The following ASRGL1 variants were observed in gnomAD, a reference collection of about 807,000 sequenced individuals.
ASRGL1 encodes isoaspartyl peptidase/L-asparaginase.
In ASRGL1, 16 loss-of-function variants were observed where a neutral mutation model predicts 22.4. The ratio of observed to expected loss-of-function variants is 0.71; its 90% confidence interval spans 0.48 to 1.08. The LOEUF (loss-of-function observed/expected upper bound fraction) is 1.08. Among genes scored for constraint, ASRGL1 ranks in the 50% least tolerant of loss-of-function variants. ASRGL1 has a pLI of 0.00. For missense variants in ASRGL1, 412 were observed against 410.1 expected (o/e 1.00, Z -0.04); for synonymous variants, 165 against 159.3 (o/e 1.04, Z -0.27).
chr11:62,356,307 A>C lies in ASRGL1; in HGVS notation c.191-18A>C, dbSNP rs763962209. 1.2e-5 allele frequency: 20 copies of C among 1,611,562 alleles called. No homozygotes were observed. The highest frequency in any genetic ancestry group is 1.5e-5 in the Non-Finnish European group (18 of 1,178,596). On this transcript the variant is annotated intron_variant, in intron 2 of 6. Coordinates refer to ENST00000415229, the MANE Select transcript of ASRGL1 (RefSeq NM_001083926.2). ...GTAAATTCTTAATTCTTGCTTTTCA[A>C]CTTCTTTTTGGTTTTAGGTTGTGGG...
In ASRGL1 at chr11:62,362,653, A is replaced by T. The variant is rs1252415841; in HGVS notation, c.491+5509A>T. On this transcript the variant is annotated intron_variant, in intron 4 of 6. Coordinates refer to ENST00000415229, the MANE Select transcript of ASRGL1 (RefSeq NM_001083926.2). ...AAAATATATATAATATATAATATAT[A>T]TTATATAAAATATATAATATATATT... Among the ~76,000 whole-genome samples the T allele has an allele frequency of 8.6e-5, 8 of 93,520 alleles. 1 individual carries two copies. In the South Asian group the frequency reaches 1.8e-3, roughly 21 times the overall value. 61.4% of individuals were successfully genotyped at this position (93,520 alleles called of 152,430 possible). A position where few individuals can be genotyped will look rare whatever the true frequency, so the allele number is the denominator to read the frequency against.
At chr11:62,384,394 G>A (rs1947153460) in intron 4 of ASRGL1, among the ~76,000 whole-genome samples, 1 of 151,932 alleles carries the variant, frequency 6.6e-6, no homozygotes, top group Admixed American at 6.6e-5. Flanking sequence ...AATCTCAGCT[G>A]TTTGGGAGGC....
intron 4 of ASRGL1, among the ~76,000 whole-genome samples, chr11:62,362,032 T>C (rs1946446804): frequency 6.6e-6 from 1 of 152,088 alleles, no homozygotes; most frequent in African/African-American, 2.4e-5. Context: ...GCAAATGTGG[T>C]TGGTAAATGA....
intron 4 of ASRGL1, among the ~76,000 whole-genome samples, chr11:62,358,852 A>G (rs1946368164): frequency 6.6e-6 from 1 of 152,196 alleles, no homozygotes; most frequent in Admixed American, 6.5e-5. Flanking sequence ...ATTGCTTTGG[A>G]GTGTGGGGAA....
the ASRGL1 span, among the ~76,000 whole-genome samples, chr11:62,401,336 T>G: frequency 2.0e-5 from 3 of 152,194 alleles, no homozygotes; most frequent in Non-Finnish European, 4.4e-5. Context: ...TGGCTGTCCC[T>G]CTGTAGCTGC....
intron 4 of ASRGL1, among the ~76,000 whole-genome samples, chr11:62,364,837 G>A (rs1277861691): frequency 5.3e-5 from 8 of 152,172 alleles, no homozygotes; most frequent in Non-Finnish European, 1.2e-4. Flanking sequence ...GGGAGGCTGA[G>A]GCGGGCAGAT....
intron 4 of ASRGL1, among the ~76,000 whole-genome samples, chr11:62,358,068 G>C (rs1335498545): frequency 1.3e-5 from 2 of 152,184 alleles, no homozygotes; most frequent in Non-Finnish European, 2.9e-5. Flanking sequence ...TTCAGAGTCT[G>C]TTTTAAAAGA....
At chr11:62,393,876 C>T (rs529183837), downstream of ASRGL1, among the ~76,000 whole-genome samples, 127 of 151,760 alleles carry the variant, frequency 8.4e-4, no homozygotes, top group Non-Finnish European at 1.5e-3. Flanking sequence ...CTCTCCATGG[C>T]TTGTGTAATA....
rs1294854996 is a variant in ASRGL1 at position 62,392,555 on chromosome 11, C to T, written c.*271C>T. The T allele has an allele frequency of 4.4e-6, 2 of 451,364 alleles. No homozygotes were observed. The highest frequency in any genetic ancestry group is 7.9e-6 in the Non-Finnish European group (2 of 253,056). 28.0% of individuals were successfully genotyped at this position (451,364 alleles called of 1,614,324 possible). A position where few individuals can be genotyped will look rare whatever the true frequency, so the allele number is the denominator to read the frequency against. On this transcript the variant is annotated 3_prime_UTR_variant, in exon 7 of 7. Transcript: ENST00000415229. Reference sequence around the variant, plus strand: ...CTGCACTCCAGCCTGGGCAACAGAGCCAGGCCCTGTATCAAAAAAAAAAAA... The same window carrying T: ...CTGCACTCCAGCCTGGGCAACAGAGTCAGGCCCTGTATCAAAAAAAAAAAA...
chr11:62,398,097 G>A (rs1175164910), downstream of ASRGL1, among the ~76,000 whole-genome samples: 4 of 152,078 alleles, frequency 2.6e-5, no homozygotes, highest in African/African-American at 7.2e-5. Context: ...CAGAAATGTC[G>A]ACACCCTGCC....
intron 2 of ASRGL1, among the ~76,000 whole-genome samples, chr11:62,345,711 A>G (rs1344417990): frequency 6.6e-6 from 1 of 152,116 alleles, no homozygotes; most frequent in Non-Finnish European, 1.5e-5. Context: ...TCTGGAAAAC[A>G]TTTATGTTTA....
intron 3 of ASRGL1, among the ~76,000 whole-genome samples, 179 bp from the exon 4 acceptor site, chr11:62,356,808 T>A (rs1315352067): frequency 6.6e-6 from 1 of 152,228 alleles, no homozygotes; most frequent in African/African-American, 2.4e-5. Context: ...GGGTCTTTTC[T>A]TTTTTAATAC....
At chr11:62,343,730 CAAAAAA>C (rs71053038) in intron 2 of ASRGL1, among the ~76,000 whole-genome samples, 1 of 69,004 alleles carries the variant, frequency 1.4e-5, no homozygotes, top group African/African-American at 7.0e-5. Flanking sequence ...TCCAGCTCCA[CAAAAAA>C]AAAAAAAAAA....
At chr11:62,363,596 T>A (rs138078960) in intron 4 of ASRGL1, among the ~76,000 whole-genome samples, 69 of 152,350 alleles carry the variant, frequency 4.5e-4, no homozygotes, top group African/African-American at 1.6e-3. Context: ...GTGATTTATA[T>A]GATCAAGTTA....
At position 62,379,946 on chromosome 11, in the gene ASRGL1, A is replaced by G. The variant is rs902542817; in HGVS notation, c.492-9187A>G. On this transcript the variant is annotated intron_variant, in intron 4 of 6. Transcript: ENST00000415229. ...AATTCTAATAGTGTTTTTCTTTTTT[A>G]CATCTTGGACATAAGTCGGGTGGCT... 3.3e-5 allele frequency among the ~76,000 whole-genome samples: 5 copies of G among 151,662 alleles called. No homozygotes were observed. In the East Asian group the frequency reaches 9.7e-4, roughly 29 times the overall value.
chr11:62,343,727 C>T (rs1590703308), intron 2 of ASRGL1, among the ~76,000 whole-genome samples: 1 of 114,704 alleles, frequency 8.7e-6, no homozygotes, highest in Non-Finnish European at 1.9e-5. Context: ...GACTCCAGCT[C>T]CACAAAAAAA....
At chr11:62,387,647 G>A (rs1289576871) in intron 4 of ASRGL1, among the ~76,000 whole-genome samples, 2 of 152,190 alleles carry the variant, frequency 1.3e-5, no homozygotes, top group Non-Finnish European at 1.5e-5. Flanking sequence ...GACACTCTGT[G>A]TAAAACAGCA....
chr11:62,337,819 C>T (rs1479884732), intron 1 of ASRGL1, 71 bp from the exon 2 acceptor site: 2 of 735,542 alleles, frequency 2.7e-6, no homozygotes, highest in African/African-American at 1.9e-5. Context: ...CAAGCTCGAC[C>T]GAGCCGCCCC....
chr11:62,386,469 C>CATAGATATGTACATATCATACATATA (rs1565174613), intron 4 of ASRGL1, among the ~76,000 whole-genome samples: 2 of 148,876 alleles, frequency 1.3e-5, no homozygotes, highest in Non-Finnish European at 2.9e-5. Flanking sequence ...TCATACATAT[C>CATAGATATGTACATATCATACATATA]ATAGATATGT....
Sources: gnomAD v4.1 joint callset for allele counts (sites outside exome capture counted in the v4.1 genomes callset) on GRCh38, gnomAD v4.1.1 for gene constraint, MANE v1.5 for transcripts, NCBI Gene and HGNC (gene_info 2026-07-23, HGNC 2026-07-21) for gene names.